The following NIN variants were observed in gnomAD, a reference collection of about 807,000 sequenced individuals.
NIN encodes the protein glycogen synthase kinase 3 beta-interacting protein.
NIN carries 137 observed loss-of-function variants against 257.6 expected under a neutral mutation model. That is an observed-to-expected ratio of 0.53 (90% CI 0.46 to 0.61). NIN has a LOEUF of 0.61. NIN is among the 20% of genes least tolerant of loss of function. The pLI is 0.00. For missense variants in NIN, 2,439 were observed against 2,501.2 expected (o/e 0.98, Z 0.53); for synonymous variants, 918 against 919.8 (o/e 1.00, Z 0.04).
At chr14:50,745,536 T>C (rs1326121889) in intron 22 of NIN, among the ~76,000 whole-genome samples, 1 of 152,236 alleles carries the variant, frequency 6.6e-6, no homozygotes, top group Non-Finnish European at 1.5e-5. Context: ...TTCTTTCACA[T>C]TTAGCTGTAG....
At chr14:50,816,569 C>T (rs2044907079) in intron 3 of NIN, among the ~76,000 whole-genome samples, 2 of 152,072 alleles carry the variant, frequency 1.3e-5, no homozygotes, top group Admixed American at 1.3e-4. Context: ...GCTGGGAAAT[C>T]CAGGATCCCA....
At chr14:50,799,139 T>C (rs765944785) in intron 4 of NIN, among the ~76,000 whole-genome samples, 4 of 152,214 alleles carry the variant, frequency 2.6e-5, no homozygotes, top group Non-Finnish European at 4.4e-5. Context: ...TATAACACTT[T>C]CCATGGGAAA....
At position 50,723,222 on chromosome 14, in the gene NIN, T is replaced by C; in HGVS notation, c.*241A>G. 1 of 384,014 alleles carries C rather than the reference T, an allele frequency of 2.6e-6. No homozygotes were observed. Among genetic ancestry groups the C allele is most frequent in the Non-Finnish European group, 4.6e-6 (1 of 216,024 alleles). The allele number at this position is 384,014 out of a possible 1,614,324, so 23.8% of individuals were successfully genotyped here. On this transcript the variant is annotated 3_prime_UTR_variant, in exon 31 of 31. Transcript: ENST00000530997. The stretch of plus-strand genomic sequence containing the variant: ...TTGAATTTTCATATGTCCACATTCT[T>C]GGTGGCTATTAAAATTTTAAAATAA...
intron 18 of NIN, among the ~76,000 whole-genome samples, chr14:50,755,648 CTTTTTTTTTTTTTTT>C (rs71118900): frequency 6.7e-4 from 54 of 80,012 alleles, no homozygotes; most frequent in Non-Finnish European, 1.0e-3. Flanking sequence ...TGTTTTGTCT[CTTTTTTTTTTTTTTT>C]TTTTTTTTTT....
At chr14:50,791,025 C>A (rs2043567607) in intron 5 of NIN, among the ~76,000 whole-genome samples, 2 of 152,090 alleles carry the variant, frequency 1.3e-5, no homozygotes, top group African/African-American at 4.8e-5. Context: ...CCAAATAATA[C>A]CCTGGGGACT....
At chr14:50,798,325 T>G (rs1467105425) in intron 4 of NIN, among the ~76,000 whole-genome samples, 3 of 152,190 alleles carry the variant, frequency 2.0e-5, no homozygotes, top group Non-Finnish European at 4.4e-5. Context: ...TGATGCTTCT[T>G]GCTGGAACAC....
rs2042037547 is a variant in NIN, at chr14:50,756,596, T to C, written c.4434A>G (p.Gln1478=). ...LKERVTILVK[Q]KDVLSHGEKE... ...TTTCTCCGTGAGAAAGTACATCTTT[T>C]TGCTTAACTAAAATAGTGACTCTCT... The change falls in exon 18 of 31, where the codon CAA becomes CAG. Residue 1478 remains glutamine (Q), a synonymous_variant. Transcript: ENST00000530997. The C allele has an allele frequency of 6.3e-7, 1 of 1,598,362 alleles. No homozygotes were observed. The highest frequency in any genetic ancestry group is 1.1e-5 in the South Asian group (1 of 89,190).
At chr14:50,744,204 T>C (rs1211245084) in intron 23 of NIN, 39 bp downstream of exon 23, 9 of 1,606,980 alleles carry the variant, frequency 5.6e-6, no homozygotes, top group East Asian at 2.2e-5. Flanking sequence ...ATGGTGTGTA[T>C]TGTATACGAT....
intron 20 of NIN, 92 bp downstream of exon 20, chr14:50,754,471 A>G (rs766986651): frequency 1.0e-5 from 10 of 981,034 alleles, no homozygotes; most frequent in Non-Finnish European, 1.5e-5. Flanking sequence ...GCTATATGCT[A>G]TTCATTACCG....
chr14:50,829,320 A>G (rs2045596917), intron 2 of NIN, among the ~76,000 whole-genome samples: 1 of 152,194 alleles, frequency 6.6e-6, no homozygotes, highest in African/African-American at 2.4e-5. Context: ...AGCCACCTAT[A>G]TAATATGCTC....
Position 50,744,236 on chromosome 14 carries a change from C to G in NIN, c.5187+7G>C, listed in dbSNP as rs763254080. On this transcript the variant is annotated splice_region_variant and intron_variant, in intron 23 of 30. Coordinates refer to ENST00000530997, the MANE Select transcript of NIN (RefSeq NM_020921.4). ...CGATGATGGTAAAGTCTTATTACTT[C>G]TACTACCTTATCGACACAGCTATTT... The G allele has an allele frequency of 4.3e-6, 7 of 1,613,250 alleles. No individual in the cohort carries two copies. Among genetic ancestry groups the G allele is most frequent in the Non-Finnish European group, 5.9e-6 (7 of 1,179,490 alleles).
At chr14:50,741,003 T>TC (rs2041257515) in intron 25 of NIN, among the ~76,000 whole-genome samples, 1 of 152,200 alleles carries the variant, frequency 6.6e-6, no homozygotes. Flanking sequence ...AATCAGCTCT[T>TC]CCTGGACTTT....
intron 3 of NIN, among the ~76,000 whole-genome samples, chr14:50,818,714 G>C (rs1314160326): frequency 1.3e-5 from 2 of 152,118 alleles, no homozygotes; most frequent in African/African-American, 4.8e-5. Context: ...GGATCCACAA[G>C]CTTTACGCAT....
chr14:50,817,767 G>A (rs2044980393), intron 3 of NIN, among the ~76,000 whole-genome samples: 1 of 152,156 alleles, frequency 6.6e-6, no homozygotes, highest in Admixed American at 6.5e-5. Flanking sequence ...CCAGGCTGGA[G>A]TACAATGGCG....
At position 50,757,715 on chromosome 14, in the gene NIN, A is replaced by G. The variant is rs778871450; in HGVS notation, c.3315T>C (p.Ser1105=). The G allele has an allele frequency of 6.2e-7, 1 of 1,614,204 alleles. No homozygotes were observed. The highest frequency in any genetic ancestry group is 8.5e-7 in the Non-Finnish European group (1 of 1,180,030). The change falls in exon 18 of 31, where the codon TCT becomes TCC. Residue 1105 remains serine (S), a synonymous_variant. Transcript: ENST00000530997. ...CAGTAGCTGGCTCATCCAAACAAGA[A>G]GACATTACTAACCCTGGCTCTAACT... ...LQKLEPGLVM[S]SCLDEPATEF...
At position 50,722,441 on chromosome 14, in the gene NIN, T is replaced by G. The variant is rs1363746922; in HGVS notation, c.*1022A>C. ...ATTAAATTTACTAAAAACGTAGAAA[T>G]AAAAATTCTAGTATGGCTGTAAATA... On this transcript the variant is annotated 3_prime_UTR_variant, in exon 31 of 31. Coordinates refer to ENST00000530997, the MANE Select transcript of NIN (RefSeq NM_020921.4). 9.5e-6 allele frequency: 2 copies of G among 211,162 alleles called. No individual in the cohort carries two copies. The highest frequency in any genetic ancestry group is 4.5e-5 in the African/African-American group (2 of 44,094). 13.1% of individuals were successfully genotyped at this position (211,162 alleles called of 1,614,324 possible).
chr14:50,748,280 T>G (rs1367095717), intron 21 of NIN, among the ~76,000 whole-genome samples, 175 bp from the exon 22 acceptor site: 2 of 152,168 alleles, frequency 1.3e-5, no homozygotes, highest in Non-Finnish European at 2.9e-5. Context: ...AAATTCAACA[T>G]CATGCTAAAA....
At chr14:50,764,146 T>C (rs1331418237) in intron 14 of NIN, among the ~76,000 whole-genome samples, 182 bp from the exon 15 acceptor site, 1 of 152,224 alleles carries the variant, frequency 6.6e-6, no homozygotes, top group Non-Finnish European at 1.5e-5. Flanking sequence ...AACTAGAATA[T>C]ATAAAGACTA....
At chr14:50,736,189 G>C (rs188075920) in intron 27 of NIN, among the ~76,000 whole-genome samples, 5,371 of 146,032 alleles carry the variant, frequency 0.037, 95 homozygotes, top group Non-Finnish European at 0.049. Flanking sequence ...CTGGAGTGCA[G>C]TGGCACAGTC....
Sources: gnomAD v4.1 joint callset for allele counts (sites outside exome capture counted in the v4.1 genomes callset) on GRCh38, gnomAD v4.1.1 for gene constraint, MANE v1.5 for transcripts, NCBI Gene and HGNC (gene_info 2026-07-23, HGNC 2026-07-21) for gene names.